Variants in TASP1 observed in about 807,000 individuals in gnomAD.
TASP1 encodes the protein taspase 1, also known as threonine aspartase 1.
TASP1 carries 16 observed loss-of-function variants against 56.6 expected under a neutral mutation model. The observed-to-expected ratio is 0.28, with a 90% confidence interval of 0.19 to 0.43. TASP1 has a LOEUF of 0.43. TASP1 is among the 20% of genes least tolerant of loss of function. TASP1 has a pLI of 1.00. For missense variants in TASP1, 393 were observed against 511.6 expected (o/e 0.77, Z 2.24); for synonymous variants, 179 against 184.2 (o/e 0.97, Z 0.23).
chr20:13,582,195 G>A (rs1174431957), intron 5 of TASP1, among the ~76,000 whole-genome samples: 1 of 150,940 alleles, frequency 6.6e-6, no homozygotes, highest in Non-Finnish European at 1.5e-5. Flanking sequence ...TTCTAGATGT[G>A]ATGATTCAAT....
At chr20:13,215,190 C>A in the TASP1 span, among the ~76,000 whole-genome samples, 1 of 152,200 alleles carries the variant, frequency 6.6e-6, no homozygotes, top group African/African-American at 2.4e-5. Context: ...GATGCTGCTA[C>A]CAAGTCCCTG....
chr20:13,510,752 A>T (rs1011788600), intron 10 of TASP1, among the ~76,000 whole-genome samples: 3 of 152,118 alleles, frequency 2.0e-5, no homozygotes, highest in African/African-American at 4.8e-5. Flanking sequence ...CTACAGCTTT[A>T]CTTGAAAAAG....
At chr20:13,426,077 A>C (rs1003041630) in intron 12 of TASP1, among the ~76,000 whole-genome samples, 5 of 152,186 alleles carry the variant, frequency 3.3e-5, no homozygotes, top group Admixed American at 6.5e-5. Context: ...ATGCTGACTG[A>C]AAAGAGGAGG....
At chr20:13,511,054 G>T (rs916553046) in intron 10 of TASP1, among the ~76,000 whole-genome samples, 15 of 152,042 alleles carry the variant, frequency 9.9e-5, no homozygotes, top group African/African-American at 2.7e-4. Context: ...CTGGTTCATG[G>T]GTAATCCCAT....
At chr20:13,186,329 T>C in the TASP1 span, among the ~76,000 whole-genome samples, 1 of 152,192 alleles carries the variant, frequency 6.6e-6, no homozygotes, top group South Asian at 2.1e-4. Flanking sequence ...CAGAGCCGTA[T>C]TCTTTCTGGG....
the TASP1 span, among the ~76,000 whole-genome samples, chr20:13,272,496 G>A: frequency 6.6e-6 from 1 of 152,238 alleles, no homozygotes; most frequent in Non-Finnish European, 1.5e-5. Flanking sequence ...GAAGACAGAG[G>A]AGGAAAAGCA....
chr20:13,387,184 A>ATTTTTTTTTTTTTTT (rs779048448), downstream of TASP1, among the ~76,000 whole-genome samples: 1 of 70,704 alleles, frequency 1.4e-5, no homozygotes, highest in African/African-American at 6.7e-5. Context: ...ACATGATTTC[A>ATTTTTTTTTTTTTTT]TTTTTTTTTT....
chr20:13,355,562 T>C, the TASP1 span, among the ~76,000 whole-genome samples: 2 of 152,232 alleles, frequency 1.3e-5, no homozygotes, highest in African/African-American at 4.8e-5. Context: ...ATGTTTATTT[T>C]CCATGGCTGG....
the TASP1 span, among the ~76,000 whole-genome samples, chr20:13,361,129 C>T: frequency 8.5e-5 from 13 of 152,256 alleles, no homozygotes; most frequent in South Asian, 2.1e-4. Flanking sequence ...CCCTTCCCTA[C>T]ACATCAAGCT....
the TASP1 span, among the ~76,000 whole-genome samples, chr20:13,374,550 G>A: frequency 2.6e-3 from 389 of 152,090 alleles, 1 homozygote; most frequent in African/African-American, 8.8e-3. Context: ...GGGTTTCACC[G>A]TGTTAGCCAG....
chr20:13,357,562 C>T, the TASP1 span, among the ~76,000 whole-genome samples: 5 of 152,116 alleles, frequency 3.3e-5, no homozygotes, highest in Admixed American at 6.5e-5. Context: ...AATGGAAGAT[C>T]AATTACTCTG....
At chr20:13,461,418 G>A (rs1023156794) in intron 11 of TASP1, among the ~76,000 whole-genome samples, 20 of 152,068 alleles carry the variant, frequency 1.3e-4, no homozygotes, top group African/African-American at 4.8e-4. Flanking sequence ...TGTATTTCTA[G>A]TGCCTGGCCT....
chr20:13,376,420 T>C, the TASP1 span, among the ~76,000 whole-genome samples: 1 of 152,164 alleles, frequency 6.6e-6, no homozygotes, highest in South Asian at 2.1e-4. Flanking sequence ...CTCTGTTCTG[T>C]TCCATTGGTC....
At chr20:13,222,022 C>A in the TASP1 span, 1 of 1,056,502 alleles carries the variant, frequency 9.5e-7, no homozygotes, top group South Asian at 3.2e-5. Flanking sequence ...CCCTGCCCCA[C>A]CTAAGAGCAA....
intron 13 of TASP1, chr20:13,393,805 A>C: frequency 1.8e-6 from 1 of 565,802 alleles, no homozygotes; most frequent in Non-Finnish European, 3.2e-6. Flanking sequence ...CCATGCAGAC[A>C]CCCTGAAGAG....
At chr20:13,234,698 ATAAT>A in the TASP1 span, among the ~76,000 whole-genome samples, 1 of 152,094 alleles carries the variant, frequency 6.6e-6, no homozygotes, top group Non-Finnish European at 1.5e-5. Context: ...TATTTCTCTG[ATAAT>A]TAGTTATGTA....
At chr20:13,527,590 A>G (rs1394137832) in intron 10 of TASP1, among the ~76,000 whole-genome samples, 1 of 152,106 alleles carries the variant, frequency 6.6e-6, no homozygotes, top group Non-Finnish European at 1.5e-5. Flanking sequence ...CATGTCCACC[A>G]TTCCTCATCT....
the TASP1 span, among the ~76,000 whole-genome samples, chr20:13,251,868 C>A: frequency 7.2e-5 from 11 of 152,116 alleles, no homozygotes. Context: ...ACTGAATACC[C>A]AGGACTCTGG....
At chr20:13,313,451 C>A in the TASP1 span, among the ~76,000 whole-genome samples, 205 of 152,294 alleles carry the variant, frequency 1.3e-3, no homozygotes, top group African/African-American at 4.9e-3. Flanking sequence ...AAACACGGAG[C>A]CGTAGTCAAT....
Sources: gnomAD v4.1 joint callset for allele counts (sites outside exome capture counted in the v4.1 genomes callset) on GRCh38, gnomAD v4.1.1 for gene constraint, MANE v1.5 for transcripts, NCBI Gene and HGNC (gene_info 2026-07-23, HGNC 2026-07-21) for gene names.